The following QTMAN variants were observed in gnomAD, a reference collection of about 807,000 sequenced individuals.
QTMAN encodes tRNA-queuosine alpha-mannosyltransferase.
At chr2:143,956,974 CTT>C in the QTMAN span, among the ~76,000 whole-genome samples, 1 of 152,090 alleles carries the variant, frequency 6.6e-6, no homozygotes, top group Non-Finnish European at 1.5e-5. Context: ...AAGGCTGGCC[CTT>C]ATGCCTTTAT....
the QTMAN span, among the ~76,000 whole-genome samples, chr2:144,109,439 A>T: frequency 6.6e-6 from 1 of 152,238 alleles, no homozygotes; most frequent in Admixed American, 6.5e-5. Flanking sequence ...AAACCATAAA[A>T]ACCCTAGAAG....
At chr2:144,017,498 G>A in the QTMAN span, among the ~76,000 whole-genome samples, 2 of 152,118 alleles carry the variant, frequency 1.3e-5, no homozygotes, top group African/African-American at 4.8e-5. Context: ...ATCTAATCAA[G>A]TCTAATGATT....
chr2:144,029,614 G>A, the QTMAN span, among the ~76,000 whole-genome samples: 1 of 152,198 alleles, frequency 6.6e-6, no homozygotes, highest in South Asian at 2.1e-4. Flanking sequence ...AATTGGTTAA[G>A]TGCAGATGCT....
chr2:144,285,422 CT>C, the QTMAN span, among the ~76,000 whole-genome samples: 1 of 152,158 alleles, frequency 6.6e-6, no homozygotes, highest in African/African-American at 2.4e-5. Context: ...AAATGTATCT[CT>C]GTTTTACAAA....
chr2:144,003,641 CTT>C, the QTMAN span, among the ~76,000 whole-genome samples: 1 of 151,984 alleles, frequency 6.6e-6, no homozygotes, highest in African/African-American at 2.4e-5. Flanking sequence ...CACTATAATC[CTT>C]GACAAGCTCA....
the QTMAN span, among the ~76,000 whole-genome samples, chr2:144,202,954 A>T: frequency 6.6e-6 from 1 of 152,188 alleles, no homozygotes; most frequent in Non-Finnish European, 1.5e-5. Context: ...CTACACAAAC[A>T]CTTTTGAATT....
the QTMAN span, among the ~76,000 whole-genome samples, chr2:144,204,235 G>A: frequency 1.3e-5 from 2 of 152,134 alleles, no homozygotes; most frequent in African/African-American, 4.8e-5. Context: ...GAAAATTTTT[G>A]CAATCTGGTC....
chr2:144,285,489 G>A, the QTMAN span, among the ~76,000 whole-genome samples: 1 of 152,140 alleles, frequency 6.6e-6, no homozygotes, highest in Non-Finnish European at 1.5e-5. Context: ...TGAACTCAGA[G>A]AGGTTAAGTA....
chr2:144,020,286 C>T, the QTMAN span, among the ~76,000 whole-genome samples: 1 of 152,102 alleles, frequency 6.6e-6, no homozygotes, highest in Non-Finnish European at 1.5e-5. Context: ...TGGCCTGCCA[C>T]GCCCCTATCC....
the QTMAN span, among the ~76,000 whole-genome samples, chr2:144,032,301 C>T: frequency 1.3e-5 from 2 of 152,098 alleles, no homozygotes; most frequent in South Asian, 2.1e-4. Context: ...TAGGAATTAC[C>T]GTTAGCATTA....
chr2:144,208,804 C>A, the QTMAN span: 1 of 1,508,716 alleles, frequency 6.6e-7, no homozygotes, highest in Non-Finnish European at 8.9e-7. Context: ...ACCTTCAGAT[C>A]CTAAATAACA....
At chr2:144,295,643 C>T in the QTMAN span, among the ~76,000 whole-genome samples, 3 of 152,104 alleles carry the variant, frequency 2.0e-5, no homozygotes, top group South Asian at 2.1e-4. Context: ...GACAGGGTCT[C>T]GCTCCATCAC....
chr2:144,143,576 T>G, the QTMAN span, among the ~76,000 whole-genome samples: 7 of 151,904 alleles, frequency 4.6e-5, no homozygotes, highest in Non-Finnish European at 7.4e-5. Context: ...TGCTACCTAG[T>G]GCAAATTTGG....
chr2:144,325,963 T>C, the QTMAN span, among the ~76,000 whole-genome samples: 1 of 152,228 alleles, frequency 6.6e-6, no homozygotes, highest in African/African-American at 2.4e-5. Flanking sequence ...CTAAAGAGTT[T>C]GATGACTTGC....
At chr2:144,012,021 G>C in the QTMAN span, among the ~76,000 whole-genome samples, 1 of 152,006 alleles carries the variant, frequency 6.6e-6, no homozygotes, top group Admixed American at 6.6e-5. Context: ...TCTAACTTTA[G>C]AAATATTCGG....
chr2:144,145,579 G>T, the QTMAN span: 1 of 1,606,782 alleles, frequency 6.2e-7, no homozygotes, highest in Non-Finnish European at 8.5e-7. Flanking sequence ...TACCATGAAA[G>T]AATTTGGTTG....
the QTMAN span, among the ~76,000 whole-genome samples, chr2:144,149,867 T>C: frequency 6.6e-6 from 1 of 152,076 alleles, no homozygotes; most frequent in Non-Finnish European, 1.5e-5. Context: ...TTACTTAATA[T>C]GTAAAAAGAA....
At chr2:144,116,659 A>G in the QTMAN span, among the ~76,000 whole-genome samples, 1 of 152,224 alleles carries the variant, frequency 6.6e-6, no homozygotes, top group East Asian at 1.9e-4. Context: ...AGCACATGCA[A>G]GAGAAATATA....
the QTMAN span, among the ~76,000 whole-genome samples, chr2:144,105,154 G>T: frequency 6.6e-6 from 1 of 152,080 alleles, no homozygotes; most frequent in African/African-American, 2.4e-5. Context: ...ACAGAGATGG[G>T]AAAAACAGAG....
Sources: gnomAD v4.1 joint callset for allele counts (sites outside exome capture counted in the v4.1 genomes callset) on GRCh38, gnomAD v4.1.1 for gene constraint, MANE v1.5 for transcripts, NCBI Gene and HGNC (gene_info 2026-07-23, HGNC 2026-07-21) for gene names.